PGM2L1: variants seen among roughly 807,000 people sequenced by gnomAD.
PGM2L1 encodes the protein phosphoglucomutase 2 like 1.
A neutral mutation model predicts 73.4 loss-of-function variants in PGM2L1; 35 were observed. The ratio of observed to expected loss-of-function variants is 0.48; its 90% CI spans 0.36 to 0.63. The LOEUF (loss-of-function observed/expected upper bound fraction) is 0.63, where lower values mean the gene tolerates loss of function less well. Ranked by LOEUF, PGM2L1 falls within the 30% of genes least tolerant of loss-of-function variation. The pLI, the probability that PGM2L1 is intolerant of heterozygous loss-of-function variation, is 0.00. For synonymous variants in PGM2L1, 225 were observed against 253.8 expected, an observed-to-expected ratio of 0.89 and a Z score of 1.08; for missense variants, 570 against 742.0, an observed-to-expected ratio of 0.77 and a Z score of 2.69.
At position 74,345,579 on chromosome 11, in the gene PGM2L1, T is replaced by C; in HGVS notation, c.1108A>G (p.Lys370Glu). ...TCAGCATTTCTTGATTTATTTTTCTTCCAGCAATCAAACATCCACCATCCA... is the reference window on the plus strand; with the variant it reads ...TCAGCATTTCTTGATTTATTTTTCTCCCAGCAATCAAACATCCACCATCCA... ...LFGWWMFDCW[K>E]KNKSRNADVK... The change falls in exon 9 of 14, where the codon AAG becomes GAG. Residue 370 changes from lysine (K) to glutamate (E), a missense_variant. Coordinates refer to ENST00000298198, the MANE Select transcript of PGM2L1 (RefSeq NM_173582.6). 1 of 1,613,766 alleles carries C rather than the reference T, an allele frequency of 6.2e-7. No homozygotes were observed. The highest frequency in any genetic ancestry group is 8.5e-7 in the Non-Finnish European group (1 of 1,179,816).
intron 10 of PGM2L1, 129 bp from the exon 11 acceptor site, chr11:74,343,143 G>A: frequency 1.5e-6 from 2 of 1,325,314 alleles, no homozygotes; most frequent in Non-Finnish European, 2.0e-6. Context: ...AATACTGAGT[G>A]TATTTAGGGG....
intron 1 of PGM2L1, among the ~76,000 whole-genome samples, chr11:74,387,105 A>C (rs1402147369): frequency 6.6e-6 from 1 of 152,154 alleles, no homozygotes; most frequent in Non-Finnish European, 1.5e-5. Context: ...TCCTTATGTA[A>C]AACTTTTATA....
chr11:74,346,014 C>T (rs552387915), intron 8 of PGM2L1, among the ~76,000 whole-genome samples: 31 of 151,940 alleles, frequency 2.0e-4, no homozygotes, highest in Middle Eastern at 3.2e-3. Context: ...CCTGTAATCG[C>T]AGCACTTTGG....
At chr11:74,343,139 G>A in intron 10 of PGM2L1, 125 bp from the exon 11 acceptor site, 2 of 1,350,250 alleles carry the variant, frequency 1.5e-6, no homozygotes, top group South Asian at 3.1e-5. Flanking sequence ...CATCAATACT[G>A]AGTGTATTTA....
chr11:74,361,301 C>T (rs1220314904), intron 5 of PGM2L1, among the ~76,000 whole-genome samples: 1 of 152,166 alleles, frequency 6.6e-6, no homozygotes, highest in Non-Finnish European at 1.5e-5. Flanking sequence ...CTGGAGTGGA[C>T]CTCCAGCAAA....
intron 1 of PGM2L1, among the ~76,000 whole-genome samples, chr11:74,376,306 C>T (rs962474652): frequency 2.0e-5 from 3 of 152,030 alleles, no homozygotes; most frequent in Non-Finnish European, 4.4e-5. Flanking sequence ...AGGATGGGAA[C>T]CTAGGCTGGG....
At chr11:74,343,241 A>G in intron 10 of PGM2L1, 82 bp downstream of exon 10, 4 of 1,463,170 alleles carry the variant, frequency 2.7e-6, no homozygotes, top group Non-Finnish European at 3.6e-6. Flanking sequence ...ATATGAAACC[A>G]GAACACAAAA....
chr11:74,346,956 C>T (rs1862276418), intron 7 of PGM2L1, 127 bp from the exon 8 acceptor site: 6 of 992,610 alleles, frequency 6.0e-6, no homozygotes, highest in South Asian at 1.5e-5. Context: ...ACGTTTAAAA[C>T]AAGAAGCCAA....
intron 3 of PGM2L1, 115 bp from the exon 4 acceptor site, chr11:74,371,101 C>T (rs1385239955): frequency 3.3e-6 from 2 of 604,054 alleles, no homozygotes; most frequent in Non-Finnish European, 2.7e-6. Context: ...CCTAATATAG[C>T]CCTTTCTTAT....
intron 1 of PGM2L1, among the ~76,000 whole-genome samples, chr11:74,383,820 A>ATATATATATATATAT (rs1555102267): frequency 5.6e-3 from 95 of 16,952 alleles, no homozygotes; most frequent in South Asian, 0.015. Flanking sequence ...GAGATATATA[A>ATATATATATATATAT]ATAAATATAT....
rs1231220371 is a variant in PGM2L1, at chr11:74,381,580, T to C, written c.112-6998A>G. On this transcript the variant is annotated intron_variant, in intron 1 of 13. Coordinates refer to ENST00000298198, the MANE Select transcript of PGM2L1 (RefSeq NM_173582.6). ...TTGTTTGTGTTTTTGTCTTTTTTTT[T>C]TTTTTTTTTTTTTTTTGAGACAGAG... Among the ~76,000 whole-genome samples, 170 of 141,752 alleles carry C rather than the reference T, an allele frequency of 1.2e-3. 2 individuals carry two copies. The highest frequency in any genetic ancestry group is 4.2e-3 in the African/African-American group (159 of 37,950). The allele number at this position is 141,752 out of a possible 152,430, so 93.0% of individuals were successfully genotyped here.
intron 5 of PGM2L1, among the ~76,000 whole-genome samples, chr11:74,358,720 C>T (rs1359398120): frequency 2.0e-5 from 3 of 152,144 alleles, no homozygotes; most frequent in African/African-American, 7.2e-5. Context: ...GAAATCCTGT[C>T]TCTACTAAAA....
chr11:74,364,267 G>A (rs1017498134), intron 5 of PGM2L1, among the ~76,000 whole-genome samples: 41 of 152,252 alleles, frequency 2.7e-4, no homozygotes, highest in African/African-American at 9.6e-4. Context: ...CATACTGAAT[G>A]GGCAAAACCT....
chr11:74,360,196 C>G (rs1298674989), intron 5 of PGM2L1, among the ~76,000 whole-genome samples: 1 of 151,120 alleles, frequency 6.6e-6, no homozygotes, highest in African/African-American at 2.4e-5. Context: ...TGCCACTGCA[C>G]TCCAGCCTTG....
intron 4 of PGM2L1, among the ~76,000 whole-genome samples, chr11:74,368,873 A>G (rs7940145): frequency 0.54 from 82,416 of 151,918 alleles, 24,613 homozygotes; most frequent in East Asian, 0.8. Flanking sequence ...TTTCCCTCTA[A>G]GTAGGGCTTT....
intron 5 of PGM2L1, among the ~76,000 whole-genome samples, chr11:74,352,752 A>G (rs1451406964): frequency 6.6e-6 from 1 of 152,230 alleles, no homozygotes; most frequent in Non-Finnish European, 1.5e-5. Flanking sequence ...ATAATTCACA[A>G]GAGGAAAGGG....
chr11:74,366,655 A>G (rs1038081816), intron 5 of PGM2L1, among the ~76,000 whole-genome samples: 6 of 152,092 alleles, frequency 3.9e-5, no homozygotes, highest in Middle Eastern at 6.8e-3. Context: ...AGCAGACGAC[A>G]AAACAATTAT....
intron 1 of PGM2L1, among the ~76,000 whole-genome samples, chr11:74,375,996 C>G (rs1862847637): frequency 6.6e-6 from 1 of 152,126 alleles, no homozygotes; most frequent in Admixed American, 6.6e-5. Flanking sequence ...TGAATAGACT[C>G]TTCACGTTTA....
At chr11:74,389,450 T>A (rs1008745290) in intron 1 of PGM2L1, among the ~76,000 whole-genome samples, 161 of 152,150 alleles carry the variant, frequency 1.1e-3, no homozygotes, top group Middle Eastern at 6.8e-3. Context: ...AATACTTTTT[T>A]AAAAATTTAT....
Sources: gnomAD v4.1 joint callset for allele counts (sites outside exome capture counted in the v4.1 genomes callset) on GRCh38, gnomAD v4.1.1 for gene constraint, MANE v1.5 for transcripts, NCBI Gene and HGNC (gene_info 2026-07-23, HGNC 2026-07-21) for gene names.